SRGAP1: variants seen among roughly 807,000 people sequenced by gnomAD.
SRGAP1 encodes SLIT-ROBO Rho GTPase activating protein 1, also known as SLIT-ROBO Rho GTPase-activating protein 1.
A neutral mutation model predicts 121.9 loss-of-function variants in SRGAP1; 43 were observed. That is an observed-to-expected ratio of 0.35 (90% CI 0.28 to 0.46). The LOEUF (loss-of-function observed/expected upper bound fraction) is 0.46. SRGAP1 is among the 20% of genes least tolerant of loss of function. The pLI is 1.00. For missense variants in SRGAP1, 1,102 were observed against 1,350.9 expected (o/e 0.82, Z 2.89); for synonymous variants, 447 against 485.4 (o/e 0.92, Z 1.04).
chr12:64,072,106 C>CTGTGTG (rs1212999220), intron 8 of SRGAP1, among the ~76,000 whole-genome samples: 87 of 37,770 alleles, frequency 2.3e-3, no homozygotes, highest in South Asian at 5.8e-3. Flanking sequence ...CCCAATCTCT[C>CTGTGTG]TCTGTGTGTG....
intron 6 of SRGAP1, among the ~76,000 whole-genome samples, chr12:64,055,068 T>C (rs562678334): frequency 1.3e-5 from 2 of 151,744 alleles, no homozygotes; most frequent in South Asian, 2.1e-4. Context: ...AAATTGTCCC[T>C]GTTTGCAGAC....
intron 1 of SRGAP1, among the ~76,000 whole-genome samples, chr12:63,847,366 T>A (rs1408511431): frequency 6.6e-6 from 1 of 152,058 alleles, no homozygotes; most frequent in Non-Finnish European, 1.5e-5. Context: ...TGGAACAAAC[T>A]ACTTTTTAAA....
chr12:63,854,983 A>AT (rs1035377802), intron 1 of SRGAP1, among the ~76,000 whole-genome samples: 2 of 152,158 alleles, frequency 1.3e-5, no homozygotes, highest in Non-Finnish European at 2.9e-5. Context: ...AACACTTAGC[A>AT]TTGAGCAATG....
At chr12:63,982,203 TC>T (rs2033273315) in intron 1 of SRGAP1, among the ~76,000 whole-genome samples, 1 of 147,312 alleles carries the variant, frequency 6.8e-6, no homozygotes, top group Non-Finnish European at 1.5e-5. Flanking sequence ...AGAGCAAGAC[TC>T]CGTCTCAAAA....
intron 2 of SRGAP1, among the ~76,000 whole-genome samples, chr12:63,986,721 C>T (rs2033429559): frequency 3.3e-5 from 5 of 152,148 alleles, no homozygotes; most frequent in Admixed American, 3.3e-4. Flanking sequence ...CTGTGCACAG[C>T]CCATTCAGTA....
In SRGAP1 at chr12:64,147,495, CAG is replaced by C; in HGVS notation, c.*4825_*4826del. The C allele has an allele frequency of 2.5e-6, 1 of 398,728 alleles. No individual in the cohort carries two copies. Among genetic ancestry groups the C allele is most frequent in the Middle Eastern group, 6.3e-4 (1 of 1,598 alleles). The allele number at this position is 398,728 out of a possible 1,614,324, so 24.7% of individuals were successfully genotyped here. A position where few individuals can be genotyped will look rare whatever the true frequency, so the allele number is the denominator to read the frequency against. ...CCCATCTCACCTCCCTGTCGGTCCT[CAG>C]ACTGTCTCGTTTTCCTTGTAGACGT... On this transcript the variant is annotated 3_prime_UTR_variant, in exon 22 of 22. Coordinates refer to ENST00000355086, the MANE Select transcript of SRGAP1 (RefSeq NM_020762.4).
chr12:64,016,910 A>G (rs2034418543), intron 3 of SRGAP1, 40 bp from the exon 4 acceptor site: 1 of 1,138,268 alleles, frequency 8.8e-7, no homozygotes, highest in Non-Finnish European at 1.3e-6. Context: ...TTTAAGATGT[A>G]AATAATTTTA....
chr12:64,082,465 T>TC (rs2035865284), intron 10 of SRGAP1, among the ~76,000 whole-genome samples: 1 of 152,024 alleles, frequency 6.6e-6, no homozygotes. Flanking sequence ...TTTTTTTTTT[T>TC]TTGAAATGGA....
intron 1 of SRGAP1, among the ~76,000 whole-genome samples, chr12:63,876,604 C>T (rs1900036939): frequency 6.6e-6 from 1 of 152,036 alleles, no homozygotes; most frequent in Admixed American, 6.6e-5. Context: ...ATGTTTCTAC[C>T]ATTTAACATT....
At chr12:64,092,465 C>T (rs1197640782) in intron 12 of SRGAP1, among the ~76,000 whole-genome samples, 1 of 150,760 alleles carries the variant, frequency 6.6e-6, no homozygotes, top group African/African-American at 2.4e-5. Flanking sequence ...GACATACATA[C>T]ATATATACAT....
chr12:63,870,339 A>C (rs897174572), intron 1 of SRGAP1, among the ~76,000 whole-genome samples: 5 of 152,182 alleles, frequency 3.3e-5, no homozygotes, highest in Non-Finnish European at 7.3e-5. Flanking sequence ...AAATTTAAAA[A>C]GAAAGTAAAA....
At chr12:64,112,143 C>G (rs2036439702) in intron 17 of SRGAP1, among the ~76,000 whole-genome samples, 157 bp downstream of exon 17, 1 of 152,098 alleles carries the variant, frequency 6.6e-6, no homozygotes, top group Non-Finnish European at 1.5e-5. Context: ...AATACTAAGA[C>G]CCATGGAAAC....
At chr12:63,972,674 CTT>C (rs2032990738) in intron 1 of SRGAP1, among the ~76,000 whole-genome samples, 1 of 152,122 alleles carries the variant, frequency 6.6e-6, no homozygotes. Context: ...TAGTTCAAAA[CTT>C]TATGTTAATT....
intron 11 of SRGAP1, among the ~76,000 whole-genome samples, chr12:64,087,300 A>T (rs1341121528): frequency 6.6e-6 from 1 of 152,222 alleles, no homozygotes; most frequent in Non-Finnish European, 1.5e-5. Context: ...CTAATCCAGA[A>T]TACTTTAACT....
At chr12:64,017,908 G>A (rs2034447989) in intron 4 of SRGAP1, among the ~76,000 whole-genome samples, 1 of 151,770 alleles carries the variant, frequency 6.6e-6, no homozygotes, top group Non-Finnish European at 1.5e-5. Flanking sequence ...AACACCTAAT[G>A]ATGTTGCAAG....
At chr12:63,945,267 G>GT (rs1555243104) in intron 1 of SRGAP1, among the ~76,000 whole-genome samples, 5,016 of 144,968 alleles carry the variant, frequency 0.035, 111 homozygotes, top group Middle Eastern at 0.07. Context: ...CTTTCTGTTT[G>GT]TTTTTTTTTT....
rs1353616884 is a variant in SRGAP1 at position 64,153,315 on chromosome 12, T to TA, written c.*10644dup. On this transcript the variant is annotated 3_prime_UTR_variant, in exon 22 of 22. Transcript: ENST00000355086. ...TCAGATTTTGGAGGCCAAAGTAAGG[T>TA]ACTTAAAATTAGCCGGGCTTGGTGG... 1 of 151,612 alleles carries TA rather than the reference T, an allele frequency of 6.6e-6. No individual in the cohort carries two copies. The highest frequency in any genetic ancestry group is 2.4e-5 in the African/African-American group (1 of 41,236). 9.4% of individuals were successfully genotyped at this position (151,612 alleles called of 1,614,324 possible).
intron 21 of SRGAP1, 28 bp downstream of exon 21, chr12:64,128,228 T>C (rs762344135): frequency 6.4e-7 from 1 of 1,569,396 alleles, no homozygotes; most frequent in Non-Finnish European, 8.7e-7. Context: ...ACATATTGCA[T>C]TTTAAGTACC....
At chr12:64,043,668 C>A in intron 6 of SRGAP1, 93 bp downstream of exon 6, 1 of 1,000,850 alleles carries the variant, frequency 1.0e-6, no homozygotes, top group Non-Finnish European at 1.4e-6. Flanking sequence ...TTTCTTAAGA[C>A]TGTTATTTTA....
Sources: allele counts gnomAD v4.1 joint callset (sites outside exome capture counted in the v4.1 genomes callset), GRCh38; gene constraint gnomAD v4.1.1; transcripts MANE v1.5; gene names NCBI Gene and HGNC (gene_info 2026-07-23, HGNC 2026-07-21).